The following PRR16 variants were observed in gnomAD, a reference collection of about 807,000 sequenced individuals.
PRR16 encodes the protein protein Largen.
Under a neutral mutation model 18.2 loss-of-function variants are expected in PRR16, and 6 were observed. That is an observed-to-expected ratio of 0.33 (90% CI 0.18 to 0.65). PRR16 has a LOEUF of 0.65. Among genes scored for constraint, PRR16 ranks in the 30% least tolerant of loss-of-function variants. PRR16 has a pLI of 0.74. For synonymous variants in PRR16, 151 were observed against 147.8 expected (o/e 1.02, Z -0.16); for missense variants, 412 against 376.6 (o/e 1.09, Z -0.78).
At chr5:120,725,528 CAT>C in the PRR16 span, among the ~76,000 whole-genome samples, 3 of 151,902 alleles carry the variant, frequency 2.0e-5, no homozygotes, top group African/African-American at 4.8e-5. Flanking sequence ...CACACTCACA[CAT>C]GTCAGGCATG....
At chr5:120,490,112 G>A (rs376177128) in intron 1 of PRR16, among the ~76,000 whole-genome samples, 5 of 152,102 alleles carry the variant, frequency 3.3e-5, no homozygotes, top group South Asian at 4.2e-4. Flanking sequence ...ACTTTGGTGA[G>A]TCTGACAATT....
At chr5:120,559,891 T>G (rs1752523590) in intron 1 of PRR16, among the ~76,000 whole-genome samples, 2 of 151,810 alleles carry the variant, frequency 1.3e-5, no homozygotes, top group Non-Finnish European at 2.9e-5. Context: ...AAATTTAACT[T>G]TATGTATGGC....
chr5:120,542,764 T>G (rs974458420), intron 1 of PRR16, among the ~76,000 whole-genome samples: 1 of 152,168 alleles, frequency 6.6e-6, no homozygotes, highest in African/African-American at 2.4e-5. Context: ...ATTGTGTAGC[T>G]GGTACTGAAA....
the PRR16 span, among the ~76,000 whole-genome samples, chr5:120,722,204 T>C: frequency 2.0e-5 from 3 of 152,188 alleles, no homozygotes; most frequent in African/African-American, 7.2e-5. Flanking sequence ...TATGAACTCA[T>C]CCTCTTTTAT....
At chr5:120,570,679 A>T (rs979352253) in intron 1 of PRR16, among the ~76,000 whole-genome samples, 34 of 152,154 alleles carry the variant, frequency 2.2e-4, no homozygotes, top group African/African-American at 8.0e-4. Context: ...TGCATTAAGT[A>T]CTTTGATGTA....
At chr5:120,517,328 C>T (rs1340182583) in intron 1 of PRR16, among the ~76,000 whole-genome samples, 1 of 152,140 alleles carries the variant, frequency 6.6e-6, no homozygotes, top group Non-Finnish European at 1.5e-5. Context: ...AAGCAGAATT[C>T]TGCTCTGACC....
chr5:120,723,701 A>G, the PRR16 span, among the ~76,000 whole-genome samples: 1 of 151,894 alleles, frequency 6.6e-6, no homozygotes, highest in Non-Finnish European at 1.5e-5. Context: ...CAGACTAGTA[A>G]ATTTCCTGTG....
At chr5:120,775,010 T>C in the PRR16 span, among the ~76,000 whole-genome samples, 1 of 152,158 alleles carries the variant, frequency 6.6e-6, no homozygotes. Flanking sequence ...TTTTAGGCAT[T>C]GTTTTTCCGC....
At chr5:120,775,092 C>G in the PRR16 span, among the ~76,000 whole-genome samples, 2 of 152,050 alleles carry the variant, frequency 1.3e-5, no homozygotes, top group African/African-American at 4.8e-5. Context: ...CAATTGAATC[C>G]TTTTTATTAA....
intron 1 of PRR16, among the ~76,000 whole-genome samples, chr5:120,516,015 C>T (rs1750977859): frequency 6.6e-6 from 1 of 152,122 alleles, no homozygotes; most frequent in Non-Finnish European, 1.5e-5. Context: ...AAACAATTTT[C>T]ACTTTCCTGA....
At chr5:120,734,000 A>T in the PRR16 span, among the ~76,000 whole-genome samples, 1 of 152,214 alleles carries the variant, frequency 6.6e-6, no homozygotes, top group Non-Finnish European at 1.5e-5. Context: ...GCAGAAAAAA[A>T]AATCTACTTA....
intron 1 of PRR16, 132 bp from the exon 2 acceptor site, chr5:120,685,822 G>A: frequency 1.2e-6 from 1 of 853,626 alleles, no homozygotes. Flanking sequence ...AAAACATCAA[G>A]CAGCAATGGA....
the PRR16 span, among the ~76,000 whole-genome samples, chr5:120,735,478 G>C: frequency 6.6e-6 from 1 of 152,052 alleles, no homozygotes; most frequent in East Asian, 1.9e-4. Context: ...ACCCATATTT[G>C]TTATTTTCTG....
the PRR16 span, among the ~76,000 whole-genome samples, chr5:120,747,799 G>A: frequency 6.6e-6 from 1 of 151,652 alleles, no homozygotes; most frequent in Non-Finnish European, 1.5e-5. Context: ...AAGAAAGAAA[G>A]TCATTTAGTT....
At chr5:120,670,579 T>C (rs1164547041) in intron 1 of PRR16, among the ~76,000 whole-genome samples, 2 of 152,168 alleles carry the variant, frequency 1.3e-5, no homozygotes, top group Non-Finnish European at 2.9e-5. Flanking sequence ...TCTGGATGAT[T>C]AAATCAGTCA....
intron 1 of PRR16, among the ~76,000 whole-genome samples, chr5:120,510,071 C>T (rs1194874379): frequency 6.6e-6 from 1 of 152,094 alleles, no homozygotes; most frequent in Non-Finnish European, 1.5e-5. Flanking sequence ...AGTTAAAGGT[C>T]CTTAGGTTAG....
Position 120,686,790 on chromosome 5 carries a change from A to C in PRR16, c.*81A>C. On this transcript the variant is annotated 3_prime_UTR_variant, in exon 2 of 2. Coordinates refer to ENST00000407149, the MANE Select transcript of PRR16 (RefSeq NM_001300783.2). ...AGTAATGAGCACTTTCTACTCAAGC[A>C]ATAAAAAGCCCAAATATATTAATCC... The C allele has an allele frequency of 1.7e-6, 2 of 1,174,318 alleles. No individual in the cohort carries two copies. Among genetic ancestry groups the C allele is most frequent in the African/African-American group, 1.5e-5 (1 of 64,602 alleles). The allele number at this position is 1,174,318 out of a possible 1,614,324, so 72.7% of individuals were successfully genotyped here. A position where few individuals can be genotyped will look rare whatever the true frequency, so the allele number is the denominator to read the frequency against.
chr5:120,729,491 G>A, the PRR16 span, among the ~76,000 whole-genome samples: 3 of 152,110 alleles, frequency 2.0e-5, no homozygotes, highest in African/African-American at 7.2e-5. Context: ...TCTATTATGC[G>A]GCCAACATGG....
At chr5:120,485,645 GTTA>G (rs1422529535) in intron 1 of PRR16, among the ~76,000 whole-genome samples, 2 of 151,722 alleles carry the variant, frequency 1.3e-5, no homozygotes, top group African/African-American at 2.4e-5. Flanking sequence ...CCTAGATTTA[GTTA>G]TTTTTTTTTT....
Sources: gnomAD v4.1 joint callset for allele counts (sites outside exome capture counted in the v4.1 genomes callset) on GRCh38, gnomAD v4.1.1 for gene constraint, MANE v1.5 for transcripts, NCBI Gene and HGNC (gene_info 2026-07-23, HGNC 2026-07-21) for gene names.